The following OR8B2 variants were observed in gnomAD, a reference collection of about 807,000 sequenced individuals.
OR8B2 encodes the protein olfactory receptor 8B2.
For missense variants in OR8B2, 304 were observed against 379.6 expected (o/e 0.80, Z 1.65); for synonymous variants, 98 against 138.2 (o/e 0.71, Z 2.04).
chr11:124,395,779 C>A, the OR8B2 span: 2 of 152,300 alleles, frequency 1.3e-5, no homozygotes, highest in Middle Eastern at 3.4e-3. Context: ...AAGGTGGAGA[C>A]ACACATATTC....
At chr11:124,383,472 G>C (rs1418390799) in intron 1 of OR8B2, 112 bp from the exon 2 acceptor site, 25 of 990,390 alleles carry the variant, frequency 2.5e-5, no homozygotes, top group Non-Finnish European at 3.7e-5. Context: ...TTGTTTCATG[G>C]GATCTGAATG....
At chr11:124,391,667 G>T in the OR8B2 span, among the ~76,000 whole-genome samples, 168 of 152,148 alleles carry the variant, frequency 1.1e-3, 1 homozygote, top group Non-Finnish European at 2.0e-3. Flanking sequence ...ATTCACAGCC[G>T]AATTCTACCA....
chr11:124,387,218 C>T (rs79889108), upstream of OR8B2, among the ~76,000 whole-genome samples: 9,363 of 99,816 alleles, frequency 0.094, 1 homozygote, highest in South Asian at 0.13. Flanking sequence ...TGCCTGTTCA[C>T]TCTGATGGTA....
the OR8B2 span, among the ~76,000 whole-genome samples, chr11:124,393,346 A>G: frequency 8.1e-4 from 120 of 147,846 alleles, 3 homozygotes; most frequent in Admixed American, 3.5e-3. Flanking sequence ...AATGGGAGAA[A>G]ATTTTCACAA....
chr11:124,383,482 G>C (rs551718145), intron 1 of OR8B2, 122 bp from the exon 2 acceptor site: 11 of 836,186 alleles, frequency 1.3e-5, no homozygotes, highest in Non-Finnish European at 2.1e-5. Context: ...GGATCTGAAT[G>C]TACTGAATGT....
Position 124,382,647 on chromosome 11 carries a change from C to A in OR8B2, c.697G>T (p.Gly233Ter), listed in dbSNP as rs779880456. 25 of 1,612,068 alleles carry A rather than the reference C, an allele frequency of 1.6e-5. No individual in the cohort carries two copies. Among genetic ancestry groups the A allele is most frequent in the Non-Finnish European group, 1.9e-5 (22 of 1,179,152 alleles). The change falls in exon 2 of 2, where the codon GGA (glycine) becomes TGA (stop). Residue 233 changes from glycine (G) to a stop codon, truncating the protein, a stop_gained. Transcript: ENST00000641451. LOFTEE classifies it low-confidence loss of function (END_TRUNC). ...CAAGTACTGAAGGCTTTTGATCTTC[C>A]TTGAGTGGATTTGATATGAAGAATG... The part of the protein sequence containing the change: ...TSILHIKSTQ[G>*]RSKAFSTCSS...
At chr11:124,392,900 G>T in the OR8B2 span, among the ~76,000 whole-genome samples, 3,703 of 138,336 alleles carry the variant, frequency 0.027, 15 homozygotes, top group African/African-American at 0.064. Context: ...AGCATGGTAC[G>T]GGTACCAAAA....
upstream of OR8B2, among the ~76,000 whole-genome samples, chr11:124,388,913 C>T (rs1459859389): frequency 3.2e-4 from 49 of 151,064 alleles, 1 homozygote; most frequent in Admixed American, 3.2e-3. Flanking sequence ...TGCAACTCCA[C>T]CTCCTGGGTT....
upstream of OR8B2, among the ~76,000 whole-genome samples, chr11:124,387,305 T>G (rs1174739884): frequency 6.6e-6 from 1 of 152,256 alleles, no homozygotes; most frequent in Non-Finnish European, 1.5e-5. Context: ...GCCATTGCTT[T>G]TGGTGTTTTA....
intron 1 of OR8B2, 36 bp from the exon 2 acceptor site, chr11:124,383,396 G>T: frequency 2.0e-6 from 3 of 1,484,730 alleles, no homozygotes; most frequent in Non-Finnish European, 2.7e-6. Context: ...TAGGAACACA[G>T]ATTTCTTTTT....
chr11:124,390,629 G>C, the OR8B2 span, among the ~76,000 whole-genome samples: 8 of 152,180 alleles, frequency 5.3e-5, no homozygotes, highest in South Asian at 2.1e-4. Flanking sequence ...TATATTTTAA[G>C]TAATGAGTTG....
chr11:124,384,905 A>T (rs1276903979), upstream of OR8B2, among the ~76,000 whole-genome samples: 1 of 152,158 alleles, frequency 6.6e-6, no homozygotes, highest in Non-Finnish European at 1.5e-5. Context: ...GCTAATTATA[A>T]TTATCGGCAG....
chr11:124,383,584 A>T lies in OR8B2; in HGVS notation c.-17-224T>A, dbSNP rs1287691190. Among the ~76,000 whole-genome samples the T allele has an allele frequency of 4.6e-5, 7 of 152,310 alleles. No homozygotes were observed. In the South Asian group the frequency reaches 1.4e-3, roughly 32 times the overall value. On this transcript the variant is annotated intron_variant, in intron 1 of 1. Coordinates refer to ENST00000641451, the MANE Select transcript of OR8B2 (RefSeq NM_001005468.2). ...CAATTGCTCCTGTCCTTACTAGAAG[A>T]CACAGAGGTGGAGTAGCTGAGGCAC...
chr11:124,395,375 C>A, the OR8B2 span, among the ~76,000 whole-genome samples: 8 of 151,970 alleles, frequency 5.3e-5, no homozygotes, highest in East Asian at 1.5e-3. Context: ...GAAAAGAATT[C>A]GACAAAATAA....
the OR8B2 span, among the ~76,000 whole-genome samples, chr11:124,392,887 A>G: frequency 6.7e-6 from 1 of 150,210 alleles, no homozygotes; most frequent in East Asian, 1.9e-4. Flanking sequence ...CAGTCACCAA[A>G]ACAGCATGGT....
the OR8B2 span, among the ~76,000 whole-genome samples, chr11:124,390,698 C>T: frequency 6.6e-6 from 1 of 151,694 alleles, no homozygotes; most frequent in Admixed American, 6.6e-5. Context: ...TTTTTCTAGC[C>T]TGTGTTTGCC....
upstream of OR8B2, among the ~76,000 whole-genome samples, chr11:124,388,851 G>A (rs1860740217): frequency 7.3e-6 from 1 of 136,692 alleles, no homozygotes; most frequent in Non-Finnish European, 1.5e-5. Flanking sequence ...TTTTTGAGAT[G>A]GAGTCTCGCT....
the OR8B2 span, among the ~76,000 whole-genome samples, chr11:124,391,344 T>C: frequency 2.0e-5 from 3 of 148,294 alleles, no homozygotes; most frequent in Admixed American, 2.0e-4. Flanking sequence ...TTTGAAAGGA[T>C]CAATAAAATT....
At chr11:124,387,073 T>C (rs1860714485), upstream of OR8B2, among the ~76,000 whole-genome samples, 1 of 152,272 alleles carries the variant, frequency 6.6e-6, no homozygotes, top group Non-Finnish European at 1.5e-5. Context: ...GAAGTGTCTG[T>C]TCATATCCTT....
Sources: gnomAD v4.1 joint callset for allele counts (sites outside exome capture counted in the v4.1 genomes callset) on GRCh38, gnomAD v4.1.1 for gene constraint, MANE v1.5 for transcripts, NCBI Gene and HGNC (gene_info 2026-07-23, HGNC 2026-07-21) for gene names.